Variants in DNER observed in about 807,000 individuals in gnomAD.
DNER encodes delta/notch like EGF repeat containing, also known as delta and Notch-like epidermal growth factor-related receptor.
In DNER, 33 loss-of-function variants were observed where a neutral mutation model predicts 78.2. That is an observed-to-expected ratio of 0.42 (90% CI 0.32 to 0.56). The LOEUF (loss-of-function observed/expected upper bound fraction) is 0.56, where lower values mean the gene tolerates loss of function less well. Ranked by LOEUF, DNER falls within the 20% of genes least tolerant of loss-of-function variation. The pLI, the probability that DNER is intolerant of heterozygous loss-of-function variation, is 0.11. For missense variants in DNER, 918 were observed against 975.3 expected (o/e 0.94, Z 0.78); for synonymous variants, 417 against 384.8 (o/e 1.08, Z -0.98).
chr2:229,452,063 C>T (rs552856716), intron 7 of DNER, among the ~76,000 whole-genome samples: 3 of 152,242 alleles, frequency 2.0e-5, no homozygotes, highest in East Asian at 1.9e-4. Context: ...GGCCAGGTCA[C>T]GACTGGTCTT....
Position 229,460,379 on chromosome 2 carries a change from TG to T in DNER, c.1262-12840del, listed in dbSNP as rs1694670770. 2.0e-5 allele frequency among the ~76,000 whole-genome samples: 3 copies of T among 151,742 alleles called. No individual in the cohort carries two copies. The South Asian group carries it at 6.2e-4, about 31-fold the overall frequency. On this transcript the variant is annotated intron_variant, in intron 7 of 12. Transcript: ENST00000341772. ...TTTTAAAAACTATTACAAGCCAATG[TG>T]TAATGTTGAGAGCTTTTTAAAAACT...
At chr2:229,465,248 C>A (rs1440508267) in intron 7 of DNER, among the ~76,000 whole-genome samples, 1 of 152,120 alleles carries the variant, frequency 6.6e-6, no homozygotes, top group Non-Finnish European at 1.5e-5. Flanking sequence ...TACTATGCAG[C>A]CATAAAAAGG....
intron 9 of DNER, among the ~76,000 whole-genome samples, chr2:229,407,913 C>G (rs978507924): frequency 1.3e-5 from 2 of 152,116 alleles, no homozygotes; most frequent in Non-Finnish European, 2.9e-5. Context: ...CTCCATTTTA[C>G]AGATGAGGAA....
chr2:229,387,513 A>AAGAG (rs1243709121), intron 11 of DNER, among the ~76,000 whole-genome samples: 39 of 36,862 alleles, frequency 1.1e-3, no homozygotes, highest in Middle Eastern at 0.011. Flanking sequence ...GAAAGAGAGA[A>AAGAG]AGAAAGAAAG....
At chr2:229,380,297 G>A (rs559352309) in intron 11 of DNER, among the ~76,000 whole-genome samples, 2 of 152,306 alleles carry the variant, frequency 1.3e-5, no homozygotes, top group South Asian at 4.1e-4. Flanking sequence ...ACATAGAGAG[G>A]AGTGGAGAGA....
intron 12 of DNER, among the ~76,000 whole-genome samples, chr2:229,365,474 T>A (rs1298439836): frequency 1.3e-5 from 2 of 152,216 alleles, no homozygotes; most frequent in African/African-American, 4.8e-5. Flanking sequence ...TCTCTATCTG[T>A]CGACCAGGTT....
rs113265922 is a variant in DNER at position 229,394,016 on chromosome 2, A to C, written c.1724-5620T>G. On this transcript the variant is annotated intron_variant, in intron 10 of 12. Coordinates refer to ENST00000341772, the MANE Select transcript of DNER (RefSeq NM_139072.4). ...CTAAAAATTTCCAAGTTTGATGAAA[A>C]CTGTAACCACAGATTCAAGATGTGC... Among the ~76,000 whole-genome samples the C allele has an allele frequency of 4.1e-3, 629 of 152,234 alleles. 8 individuals carry two copies. Among genetic ancestry groups the C allele is most frequent in the African/African-American group, 0.014 (579 of 41,544 alleles).
chr2:229,453,809 C>T (rs1694510016), intron 7 of DNER, among the ~76,000 whole-genome samples: 1 of 150,504 alleles, frequency 6.6e-6, no homozygotes, highest in Admixed American at 6.7e-5. Flanking sequence ...AGGCATTTGA[C>T]CAGGGACAGA....
chr2:229,505,008 T>C (rs1467652323), intron 6 of DNER, among the ~76,000 whole-genome samples: 1 of 152,198 alleles, frequency 6.6e-6, no homozygotes, highest in African/African-American at 2.4e-5. Context: ...CCCTTTGCCT[T>C]CAGCAGTACT....
chr2:229,612,642 T>C (rs1296760137), intron 1 of DNER, among the ~76,000 whole-genome samples: 9 of 152,204 alleles, frequency 5.9e-5, no homozygotes, highest in Admixed American at 5.9e-4. Context: ...GGGCTCACTG[T>C]TTTTTGCACT....
At chr2:229,685,681 C>T (rs1699472487) in intron 1 of DNER, among the ~76,000 whole-genome samples, 1 of 152,170 alleles carries the variant, frequency 6.6e-6, no homozygotes. Context: ...TAGCATGTTC[C>T]TCATTCCTTC....
At chr2:229,600,496 C>A (rs977771669) in intron 1 of DNER, among the ~76,000 whole-genome samples, 1 of 152,176 alleles carries the variant, frequency 6.6e-6, no homozygotes. Context: ...TCTATTTTCT[C>A]CCCCCATGCA....
chr2:229,385,536 C>G (rs573636587), intron 11 of DNER, among the ~76,000 whole-genome samples: 2 of 152,318 alleles, frequency 1.3e-5, no homozygotes, highest in East Asian at 1.9e-4. Context: ...AAAATTGTCT[C>G]TGTTTGCAGA....
At chr2:229,445,253 C>T (rs909213089) in intron 8 of DNER, among the ~76,000 whole-genome samples, 5 of 152,210 alleles carry the variant, frequency 3.3e-5, no homozygotes, top group African/African-American at 1.2e-4. Flanking sequence ...ACGCAGCTCA[C>T]AGCATGTGAG....
intron 1 of DNER, among the ~76,000 whole-genome samples, chr2:229,622,117 A>G (rs1237802106): frequency 6.6e-6 from 1 of 152,168 alleles, no homozygotes; most frequent in Non-Finnish European, 1.5e-5. Flanking sequence ...AAAAAAAGAA[A>G]TTGCATATAA....
intron 1 of DNER, among the ~76,000 whole-genome samples, chr2:229,644,819 G>A (rs977131890): frequency 3.3e-5 from 5 of 152,096 alleles, no homozygotes; most frequent in African/African-American, 1.2e-4. Context: ...TTTTTAAACT[G>A]TAATGGGTAT....
In DNER at chr2:229,556,889, T is replaced by A. The variant is rs2216251; in HGVS notation, c.848-9797A>T. ...TTATTTGCAGCAATGTGCTGTTCAC[T>A]CAATAAGAACAGTGGCTGGAGGCTC... On this transcript the variant is annotated intron_variant, in intron 4 of 12. Transcript: ENST00000341772. 3.8e-4 allele frequency among the ~76,000 whole-genome samples: 58 copies of A among 152,218 alleles called. No homozygotes were observed. The South Asian group carries it at 3.9e-3, about 10-fold the overall frequency.
At chr2:229,685,383 A>AC (rs1553552388) in intron 1 of DNER, among the ~76,000 whole-genome samples, 2 of 152,240 alleles carry the variant, frequency 1.3e-5, no homozygotes, top group South Asian at 4.1e-4. Flanking sequence ...ACTAATTTGA[A>AC]TAAAAATATG....
chr2:229,688,147 T>C (rs1053529287), intron 1 of DNER, among the ~76,000 whole-genome samples: 1 of 152,180 alleles, frequency 6.6e-6, no homozygotes, highest in Non-Finnish European at 1.5e-5. Flanking sequence ...CATGACAGGA[T>C]ACACCAAACG....
Sources: gnomAD v4.1 joint callset for allele counts (sites outside exome capture counted in the v4.1 genomes callset) on GRCh38, gnomAD v4.1.1 for gene constraint, MANE v1.5 for transcripts, NCBI Gene and HGNC (gene_info 2026-07-23, HGNC 2026-07-21) for gene names.